CNOT6: variants seen among roughly 807,000 people sequenced by gnomAD.
The protein encoded by CNOT6 is carbon catabolite repression 4 protein.
CNOT6 carries 12 observed loss-of-function variants against 61.2 expected under a neutral mutation model. That is an observed-to-expected ratio of 0.20 (90% CI 0.13 to 0.32). The LOEUF (loss-of-function observed/expected upper bound fraction) is 0.32, where lower values mean the gene tolerates loss of function less well. Among genes scored for constraint, CNOT6 ranks in the 10% least tolerant of loss-of-function variants. The pLI, the probability that CNOT6 is intolerant of heterozygous loss-of-function variation, is 1.00. For synonymous variants in CNOT6, 225 were observed against 240.6 expected (o/e 0.94, Z 0.60); for missense variants, 405 against 663.9 (o/e 0.61, Z 4.28).
chr5:180,509,535 C>T (rs1001179750), intron 1 of CNOT6, among the ~76,000 whole-genome samples: 2 of 151,652 alleles, frequency 1.3e-5, no homozygotes, highest in East Asian at 1.9e-4. Flanking sequence ...CCTCTGCCTC[C>T]GGGTTCAAGT....
intron 1 of CNOT6, among the ~76,000 whole-genome samples, chr5:180,522,819 G>A (rs1483460537): frequency 2.0e-5 from 3 of 152,082 alleles, no homozygotes; most frequent in Non-Finnish European, 4.4e-5. Flanking sequence ...GCACCCCTGC[G>A]CTGTTCCTCA....
chr5:180,549,475 C>T (rs763824921), intron 2 of CNOT6, among the ~76,000 whole-genome samples: 4 of 151,960 alleles, frequency 2.6e-5, no homozygotes, highest in Admixed American at 6.6e-5. Context: ...CCGTGAAACC[C>T]CGTCTCTACT....
chr5:180,534,619 C>T (rs910726299), intron 2 of CNOT6: 15 of 152,806 alleles, frequency 9.8e-5, no homozygotes, highest in African/African-American at 3.4e-4. Flanking sequence ...AGCGGGGGTC[C>T]GAGAGGCCCT....
chr5:180,500,265 C>T (rs1020310120), intron 1 of CNOT6, among the ~76,000 whole-genome samples: 1 of 151,786 alleles, frequency 6.6e-6, no homozygotes, highest in Non-Finnish European at 1.5e-5. Flanking sequence ...TGTGTGCCAC[C>T]ACACCTGGCT....
chr5:180,545,917 C>T (rs1759292081), intron 2 of CNOT6, among the ~76,000 whole-genome samples: 1 of 152,138 alleles, frequency 6.6e-6, no homozygotes, highest in African/African-American at 2.4e-5. Context: ...TAATGACTCC[C>T]AATTTTGAGC....
chr5:180,574,595 A>T lies in CNOT6; in HGVS notation c.*395A>T. Reference sequence around the variant, plus strand: ...TCCAGAGATCATTCTTCCATACTTTACTCCCTCCTTTTTCAGACTTGTTTG... The same window carrying T: ...TCCAGAGATCATTCTTCCATACTTTTCTCCCTCCTTTTTCAGACTTGTTTG... On this transcript the variant is annotated 3_prime_UTR_variant, in exon 12 of 12. Transcript: ENST00000261951. 4.9e-6 allele frequency: 1 copy of T among 203,268 alleles called. No individual in the cohort carries two copies. The highest frequency in any genetic ancestry group is 1.0e-5 in the Non-Finnish European group (1 of 99,564). The allele number at this position is 203,268 out of a possible 1,614,324, so 12.6% of individuals were successfully genotyped here.
intron 2 of CNOT6, among the ~76,000 whole-genome samples, chr5:180,540,479 T>C (rs1758978226): frequency 6.6e-6 from 1 of 152,204 alleles, no homozygotes. Context: ...AGACCGTAAT[T>C]GGAGTACCCA....
At chr5:180,564,624 T>C (rs1760361050) in intron 5 of CNOT6, 31 bp downstream of exon 5, 2 of 1,608,010 alleles carry the variant, frequency 1.2e-6, no homozygotes, top group Non-Finnish European at 1.7e-6. Context: ...ACCTTTTTAT[T>C]AGGAAGACGT....
intron 2 of CNOT6, among the ~76,000 whole-genome samples, chr5:180,541,741 C>G (rs1759056930): frequency 6.6e-6 from 1 of 151,828 alleles, no homozygotes; most frequent in African/African-American, 2.4e-5. Flanking sequence ...CGTGAGCCAC[C>G]ATGCCCGGCC....
intron 4 of CNOT6, among the ~76,000 whole-genome samples, chr5:180,555,212 G>T (rs1336564327): frequency 6.6e-6 from 1 of 152,056 alleles, no homozygotes; most frequent in Non-Finnish European, 1.5e-5. Context: ...TTCACCTGTT[G>T]GCTAGGCTGG....
chr5:180,556,267 C>CG (rs1200721578), intron 4 of CNOT6, among the ~76,000 whole-genome samples: 1 of 151,944 alleles, frequency 6.6e-6, no homozygotes, highest in Non-Finnish European at 1.5e-5. Flanking sequence ...GGCTTGGGGA[C>CG]GGGGGACAGA....
chr5:180,507,873 T>C (rs571614407), intron 1 of CNOT6, among the ~76,000 whole-genome samples: 93 of 151,940 alleles, frequency 6.1e-4, no homozygotes, highest in Non-Finnish European at 1.2e-3. Flanking sequence ...GAAGTTGGGG[T>C]GGAGATGCTA....
At chr5:180,508,823 T>G (rs1442907270) in intron 1 of CNOT6, among the ~76,000 whole-genome samples, 1 of 123,174 alleles carries the variant, frequency 8.1e-6, no homozygotes, top group Non-Finnish European at 1.8e-5. Flanking sequence ...TTAATTTTAT[T>G]ATTATTATTA....
chr5:180,568,078 T>C (rs1256745781), intron 9 of CNOT6, 75 bp downstream of exon 9: 5 of 1,438,442 alleles, frequency 3.5e-6, no homozygotes, highest in Non-Finnish European at 4.7e-6. Flanking sequence ...AACAGAAATT[T>C]CATTGTGTAT....
intron 1 of CNOT6, among the ~76,000 whole-genome samples, chr5:180,502,789 C>T (rs986097818): frequency 6.6e-6 from 1 of 152,188 alleles, no homozygotes; most frequent in Non-Finnish European, 1.5e-5. Context: ...GAAGATATGA[C>T]TTGACTAAGT....
At chr5:180,564,390 T>C (rs1368191781) in intron 4 of CNOT6, 99 bp from the exon 5 acceptor site, 1 of 788,840 alleles carries the variant, frequency 1.3e-6, no homozygotes, top group Non-Finnish European at 2.1e-6. Context: ...CTAGTAACTA[T>C]AACATAGTTA....
intron 1 of CNOT6, among the ~76,000 whole-genome samples, chr5:180,519,759 A>T: frequency 8.0e-6 from 1 of 125,338 alleles, no homozygotes; most frequent in Non-Finnish European, 1.7e-5. Flanking sequence ...GTATCAGTTA[A>T]TCGATTCTTT....
intron 1 of CNOT6, among the ~76,000 whole-genome samples, chr5:180,513,008 G>T (rs1757465216): frequency 6.6e-6 from 1 of 151,874 alleles, no homozygotes; most frequent in South Asian, 2.1e-4. Context: ...CCATTCTTCT[G>T]TCTCAGCCTC....
At chr5:180,505,152 G>A (rs1272974148) in intron 1 of CNOT6, among the ~76,000 whole-genome samples, 1 of 148,582 alleles carries the variant, frequency 6.7e-6, no homozygotes, top group Non-Finnish European at 1.5e-5. Flanking sequence ...AGTAGAGACG[G>A]GGTTTCACCG....
Sources: allele counts gnomAD v4.1 joint callset (sites outside exome capture counted in the v4.1 genomes callset), GRCh38; gene constraint gnomAD v4.1.1; transcripts MANE v1.5; gene names NCBI Gene and HGNC (gene_info 2026-07-23, HGNC 2026-07-21).